Variants in MYO3B observed in about 807,000 individuals in gnomAD.
MYO3B encodes the protein myosin-IIIb.
In MYO3B, 156 loss-of-function variants were observed where a neutral mutation model predicts 174.6. That is an observed-to-expected ratio of 0.89 (90% CI 0.78 to 1.02). The LOEUF (loss-of-function observed/expected upper bound fraction) is 1.02, where lower values mean the gene tolerates loss of function less well. Ranked by LOEUF, MYO3B falls within the 50% of genes least tolerant of loss-of-function variation. The probability of loss-of-function intolerance (pLI) is 0.00; values close to 1 mark genes in which losing one functional copy is unlikely to be tolerated. For synonymous variants in MYO3B, 563 were observed against 569.1 expected, an observed-to-expected ratio of 0.99 and a Z score of 0.15; for missense variants, 1,632 against 1,639.4, an observed-to-expected ratio of 1.00 and a Z score of 0.08.
chr2:170,625,880 A>G (rs933172916), intron 32 of MYO3B, among the ~76,000 whole-genome samples: 13 of 152,296 alleles, frequency 8.5e-5, no homozygotes, highest in African/African-American at 3.1e-4. Flanking sequence ...GAGTTTCTTA[A>G]TCCTGAGTTC....
chr2:170,400,148 G>A (rs1360042915), intron 16 of MYO3B, 40 bp from the exon 17 acceptor site: 3 of 1,613,094 alleles, frequency 1.9e-6, no homozygotes, highest in East Asian at 4.5e-5. Flanking sequence ...TAGTTTGACT[G>A]GCAATGACCT....
chr2:170,367,869 A>G lies in MYO3B; in HGVS notation c.816-1353A>G, dbSNP rs566852661. 1.1e-3 allele frequency among the ~76,000 whole-genome samples: 162 copies of G among 152,324 alleles called. 2 individuals are homozygous for G. Among genetic ancestry groups the G allele is most frequent in the Non-Finnish European group, 9.0e-4 (61 of 68,024 alleles). ...GATGTATTTCTTCCCATGGCAAGGC[A>G]GAGGTGGTATTTATAGTCCTGCAAG... On this transcript the variant is annotated intron_variant, in intron 8 of 34. Coordinates refer to ENST00000408978, the MANE Select transcript of MYO3B (RefSeq NM_138995.5).
chr2:170,465,827 C>T (rs951457321), intron 24 of MYO3B, among the ~76,000 whole-genome samples: 2 of 152,118 alleles, frequency 1.3e-5, no homozygotes, highest in African/African-American at 2.4e-5. Context: ...GTTCCTTTGG[C>T]TTATAATAGC....
intron 25 of MYO3B, among the ~76,000 whole-genome samples, chr2:170,497,485 G>A (rs1370853585): frequency 6.6e-6 from 1 of 152,086 alleles, no homozygotes; most frequent in Admixed American, 6.5e-5. Context: ...GCACAGTGGC[G>A]GGCGCCTGTA....
Position 170,417,076 on chromosome 2 carries a change from G to A in MYO3B, c.2650+9232G>A, listed in dbSNP as rs540738968. 2.3e-3 allele frequency among the ~76,000 whole-genome samples: 352 copies of A among 152,026 alleles called. 1 individual carries two copies. Among genetic ancestry groups the A allele is most frequent in the African/African-American group, 7.3e-3 (301 of 41,446 alleles). ...CCTGACCTCGTGATCTGCCTGCCTCGGCCTCCCAAAGTGTTGGGATTATAG... is the reference window on the plus strand; with the variant it reads ...CCTGACCTCGTGATCTGCCTGCCTCAGCCTCCCAAAGTGTTGGGATTATAG... On this transcript the variant is annotated intron_variant, in intron 22 of 34. Coordinates refer to ENST00000408978, the MANE Select transcript of MYO3B (RefSeq NM_138995.5).
intron 6 of MYO3B, among the ~76,000 whole-genome samples, chr2:170,225,823 G>A (rs4668223): frequency 0.55 from 83,110 of 152,020 alleles, 23,282 homozygotes; most frequent in Middle Eastern, 0.67. Flanking sequence ...TGCCTGAAAA[G>A]ATAAAATGAA....
intron 7 of MYO3B, among the ~76,000 whole-genome samples, chr2:170,324,917 T>A (rs2093854744): frequency 6.6e-6 from 1 of 152,118 alleles, no homozygotes; most frequent in Non-Finnish European, 1.5e-5. Context: ...GGCTTCTCAA[T>A]GAATTTCAAA....
chr2:170,367,055 T>A (rs1334431789), intron 8 of MYO3B, among the ~76,000 whole-genome samples: 1 of 152,204 alleles, frequency 6.6e-6, no homozygotes, highest in Non-Finnish European at 1.5e-5. Flanking sequence ...CACTTTCCCC[T>A]TCACATGCTA....
intron 24 of MYO3B, among the ~76,000 whole-genome samples, chr2:170,464,575 G>A (rs949784133): frequency 3.9e-5 from 6 of 152,028 alleles, no homozygotes; most frequent in Non-Finnish European, 8.8e-5. Flanking sequence ...TCTAAAACGC[G>A]GAAGTCCAGC....
intron 7 of MYO3B, among the ~76,000 whole-genome samples, chr2:170,307,193 T>C (rs755241874): frequency 7.4e-6 from 1 of 135,886 alleles, no homozygotes; most frequent in Non-Finnish European, 1.5e-5. Context: ...CAGTAAACTA[T>C]GATCATGTCA....
chr2:170,259,648 A>G (rs2093330457), intron 7 of MYO3B, among the ~76,000 whole-genome samples: 1 of 152,226 alleles, frequency 6.6e-6, no homozygotes, highest in South Asian at 2.1e-4. Flanking sequence ...TTGGCAAAGA[A>G]TTTATGACAA....
chr2:170,321,265 A>G (rs183358439), intron 7 of MYO3B, among the ~76,000 whole-genome samples: 4 of 152,368 alleles, frequency 2.6e-5, no homozygotes, highest in Non-Finnish European at 5.9e-5. Flanking sequence ...ACAATTTTAA[A>G]AAATCTAAAT....
chr2:170,526,286 T>C (rs1382380781), intron 30 of MYO3B, among the ~76,000 whole-genome samples: 1 of 152,166 alleles, frequency 6.6e-6, no homozygotes, highest in Non-Finnish European at 1.5e-5. Context: ...ATGTAATGAA[T>C]ACTCAATAAG....
intron 7 of MYO3B, among the ~76,000 whole-genome samples, chr2:170,316,963 G>T (rs896968345): frequency 6.6e-6 from 1 of 152,208 alleles, no homozygotes; most frequent in Non-Finnish European, 1.5e-5. Flanking sequence ...ACTTTGTAAA[G>T]AGATGTGGCC....
chr2:170,583,904 TA>T (rs1268543648), intron 32 of MYO3B, among the ~76,000 whole-genome samples: 3 of 152,082 alleles, frequency 2.0e-5, no homozygotes, highest in African/African-American at 4.8e-5. Context: ...ACAGTAAACT[TA>T]AAAAAAATTA....
chr2:170,481,928 T>C (rs1011939929), intron 25 of MYO3B, among the ~76,000 whole-genome samples: 4 of 152,184 alleles, frequency 2.6e-5, no homozygotes, highest in Non-Finnish European at 5.9e-5. Context: ...TTTGAATGAC[T>C]TCTTTTCTCT....
intron 30 of MYO3B, among the ~76,000 whole-genome samples, chr2:170,539,738 G>C (rs1332359230): frequency 6.6e-6 from 1 of 151,894 alleles, no homozygotes; most frequent in Non-Finnish European, 1.5e-5. Flanking sequence ...TCCCACCTCA[G>C]CCTCCTGAGT....
chr2:170,550,328 A>G (rs749521658), intron 32 of MYO3B, among the ~76,000 whole-genome samples: 3 of 152,222 alleles, frequency 2.0e-5, no homozygotes, highest in Non-Finnish European at 4.4e-5. Context: ...TTTTAGACAA[A>G]TGGCTCTCAA....
intron 34 of MYO3B, among the ~76,000 whole-genome samples, chr2:170,652,374 T>C (rs1193461214): frequency 6.6e-6 from 1 of 152,230 alleles, no homozygotes; most frequent in Non-Finnish European, 1.5e-5. Context: ...GGGCAAATGT[T>C]ATTTCTCATA....
Sources: gnomAD v4.1 joint callset for allele counts (sites outside exome capture counted in the v4.1 genomes callset) on GRCh38, gnomAD v4.1.1 for gene constraint, MANE v1.5 for transcripts, NCBI Gene and HGNC (gene_info 2026-07-23, HGNC 2026-07-21) for gene names.